Variants in MCCC1 observed in about 807,000 individuals in gnomAD.
The protein encoded by MCCC1 is methylcrotonoyl-CoA carboxylase subunit alpha, mitochondrial.
Under a neutral mutation model 83.8 loss-of-function variants are expected in MCCC1, and 64 were observed. The ratio of observed to expected loss-of-function variants is 0.76; its 90% CI spans 0.62 to 0.94. The LOEUF is 0.94. MCCC1 is among the 40% of genes least tolerant of loss of function. MCCC1 has a pLI of 0.00. For missense variants in MCCC1, 807 were observed against 904.7 expected (o/e 0.89, Z 1.39); for synonymous variants, 322 against 315.4 (o/e 1.02, Z -0.22).
At chr3:183,042,892 T>C (rs1000885579) in intron 10 of MCCC1, among the ~76,000 whole-genome samples, 1 of 152,248 alleles carries the variant, frequency 6.6e-6, no homozygotes, top group Non-Finnish European at 1.5e-5. Context: ...ACTGGGTATA[T>C]ACCCAAAGGA....
chr3:183,092,517 T>A lies in MCCC1; in HGVS notation c.165A>T (p.Ala55=). ...TGRNITKVLI[A]NRGEIACRVM... is the part of the protein sequence containing the mutation. ...CCCTGCAGGCAATTTCTCCTCTGTT[T>A]GCAATGAGGACCTTGGTAATGTTTC... The change falls in exon 3 of 19, where the codon GCA becomes GCT. Residue 55 remains alanine, a synonymous_variant. Coordinates refer to ENST00000265594, the MANE Select transcript of MCCC1 (RefSeq NM_020166.5). 6.2e-7 allele frequency: 1 copy of A among 1,614,248 alleles called. No individual in the cohort carries two copies. The highest frequency in any genetic ancestry group is 8.5e-7 in the Non-Finnish European group (1 of 1,180,046).
chr3:183,067,200 C>T (rs1196313842), intron 7 of MCCC1, among the ~76,000 whole-genome samples: 1 of 152,134 alleles, frequency 6.6e-6, no homozygotes, highest in Non-Finnish European at 1.5e-5. Flanking sequence ...ATATAGGGTT[C>T]CTAACCTGTA....
At chr3:183,076,460 A>G (rs1421356064) in intron 4 of MCCC1, among the ~76,000 whole-genome samples, 1 of 152,226 alleles carries the variant, frequency 6.6e-6, no homozygotes, top group Non-Finnish European at 1.5e-5. Context: ...GTTATTATGA[A>G]TAACGGTGTT....
intron 4 of MCCC1, among the ~76,000 whole-genome samples, chr3:183,081,295 G>A (rs1199610865): frequency 6.6e-6 from 1 of 152,202 alleles, no homozygotes; most frequent in Non-Finnish European, 1.5e-5. Flanking sequence ...TCATAGGATT[G>A]CAAACCTGTT....
chr3:183,035,809 G>C (rs923436905), intron 13 of MCCC1, among the ~76,000 whole-genome samples: 1 of 151,856 alleles, frequency 6.6e-6, no homozygotes, highest in Admixed American at 6.6e-5. Flanking sequence ...CTGAGATTTT[G>C]TATCAATTTA....
rs369103962 is a variant in MCCC1, at chr3:183,094,625, G to A, written c.90-20C>T. On this transcript the variant is annotated intron_variant, in intron 1 of 18. Transcript: ENST00000265594. ...CATGTCCTATAACATAAATCCAAAA[G>A]GAATTACAATTAAACAGAATAGGCA... 88 of 1,611,656 alleles carry A rather than the reference G, an allele frequency of 5.5e-5. No individual in the cohort carries two copies. The highest frequency in any genetic ancestry group is 4.0e-4 in the South Asian group (36 of 91,016).
At position 183,070,162 on chromosome 3, in the gene MCCC1, T is replaced by G. The variant is rs148138100; in HGVS notation, c.761+837A>C. On this transcript the variant is annotated intron_variant, in intron 7 of 18. Coordinates refer to ENST00000265594, the MANE Select transcript of MCCC1 (RefSeq NM_020166.5). ...GCACATGGTAAGTGCAATGTAAGTG[T>G]TAGCTCCTATTAACAGCATATCACT... Among the ~76,000 whole-genome samples, 110 of 152,372 alleles carry G rather than the reference T, an allele frequency of 7.2e-4. 1 individual carries two copies. Among genetic ancestry groups the G allele is most frequent in the Middle Eastern group, 3.4e-3 (1 of 292 alleles).
chr3:183,088,009 G>T (rs1718028716), intron 3 of MCCC1, among the ~76,000 whole-genome samples: 1 of 152,000 alleles, frequency 6.6e-6, no homozygotes, highest in African/African-American at 2.4e-5. Flanking sequence ...GAGGAAAACT[G>T]GTCCAGCTGA....
At chr3:183,089,727 A>G (rs1184952128) in intron 3 of MCCC1, among the ~76,000 whole-genome samples, 3 of 152,068 alleles carry the variant, frequency 2.0e-5, no homozygotes, top group African/African-American at 4.8e-5. Flanking sequence ...TTACTAGATG[A>G]GGGGGGAAGG....
At chr3:183,020,066 C>G in intron 17 of MCCC1, 64 bp downstream of exon 17, 2 of 1,243,902 alleles carry the variant, frequency 1.6e-6, no homozygotes, top group Non-Finnish European at 2.4e-6. Flanking sequence ...ACATAAATGA[C>G]AAGTTTAACA....
intron 12 of MCCC1, among the ~76,000 whole-genome samples, chr3:183,038,655 AAC>A (rs1441905017): frequency 6.6e-6 from 1 of 152,224 alleles, no homozygotes; most frequent in Non-Finnish European, 1.5e-5. Flanking sequence ...TAGCGAAAAC[AAC>A]ATTCAGGAAA....
At chr3:183,035,950 A>G (rs1257611102) in intron 13 of MCCC1, among the ~76,000 whole-genome samples, 1 of 150,924 alleles carries the variant, frequency 6.6e-6, no homozygotes, top group South Asian at 2.1e-4. Flanking sequence ...TACATTAGGT[A>G]TATCTCCTAA....
rs144827816 is a variant in MCCC1 at position 183,109,978 on chromosome 3, T to C, written c.-102+5496A>G. 4.1e-3 allele frequency among the ~76,000 whole-genome samples: 629 copies of C among 152,342 alleles called. 3 individuals are homozygous for C. Among genetic ancestry groups the C allele is most frequent in the African/African-American group, 0.015 (609 of 41,582 alleles). Reference sequence around the variant, plus strand: ...GTACAAGATGGATCTCATTGTGATTTTGATTTGTATTTCTCTAATGATTAG... The same window carrying C: ...GTACAAGATGGATCTCATTGTGATTCTGATTTGTATTTCTCTAATGATTAG... On this transcript the variant is annotated intron_variant, in intron 1 of 17. Transcript: ENST00000492597.
intron 13 of MCCC1, among the ~76,000 whole-genome samples, chr3:183,034,364 T>G (rs1713352783): frequency 6.9e-6 from 1 of 144,274 alleles, no homozygotes; most frequent in African/African-American, 2.6e-5. Context: ...GGCAGGAGAA[T>G]GGCGTGAATC....
chr3:183,096,936 C>T (rs1262493773), intron 1 of MCCC1, among the ~76,000 whole-genome samples: 1 of 151,968 alleles, frequency 6.6e-6, no homozygotes, highest in Non-Finnish European at 1.5e-5. Flanking sequence ...GTTGGTAAAG[C>T]TAGCTTAAGA....
intron 1 of MCCC1, among the ~76,000 whole-genome samples, chr3:183,113,334 C>T (rs1044928728): frequency 1.3e-4 from 19 of 145,754 alleles, no homozygotes; most frequent in Non-Finnish European, 2.8e-4. Context: ...AACCAAACAC[C>T]GCTGTTCTCA....
rs1715504849 is a variant in MCCC1, at chr3:183,057,417, A to G, written c.767T>C (p.Val256Ala). ...IEKFVDTPRH[V>A]EVQVFGDHHG... The stretch of plus-strand genomic sequence containing the variant: ...GTGATCACCAAACACCTGGACTTCT[A>G]CATGCCTATATAAAAGCAAACATGT... Residue 256 changes from valine to alanine, a missense_variant, in exon 8 of 19, where the codon GTA (valine) becomes GCA (alanine). Coordinates refer to ENST00000265594, the MANE Select transcript of MCCC1 (RefSeq NM_020166.5). The G allele has an allele frequency of 6.2e-7, 1 of 1,601,970 alleles. No individual in the cohort carries two copies. Among genetic ancestry groups the G allele is most frequent in the South Asian group, 1.1e-5 (1 of 89,196 alleles).
At chr3:183,082,531 A>C (rs767489969) in intron 4 of MCCC1, among the ~76,000 whole-genome samples, 1 of 152,214 alleles carries the variant, frequency 6.6e-6, no homozygotes, top group South Asian at 2.1e-4. Context: ...CATCACAAGC[A>C]TTCCAGAGAC....
intron 7 of MCCC1, among the ~76,000 whole-genome samples, chr3:183,066,196 A>G (rs1716246234): frequency 6.6e-6 from 1 of 152,232 alleles, no homozygotes; most frequent in South Asian, 2.1e-4. Flanking sequence ...TATGCAACAG[A>G]GGTAACCAAA....
Sources: gnomAD v4.1 joint callset for allele counts (sites outside exome capture counted in the v4.1 genomes callset) on GRCh38, gnomAD v4.1.1 for gene constraint, MANE v1.5 for transcripts, NCBI Gene and HGNC (gene_info 2026-07-23, HGNC 2026-07-21) for gene names.